Variants in TIAM2 observed in about 807,000 individuals in gnomAD.
TIAM2 encodes TIAM Rac1 associated GEF 2.
TIAM2 carries 80 observed loss-of-function variants against 152.9 expected under a neutral mutation model. The observed-to-expected ratio is 0.52, with a 90% CI of 0.44 to 0.63. The LOEUF (loss-of-function observed/expected upper bound fraction) is 0.63, where lower values mean the gene tolerates loss of function less well. Among genes scored for constraint, TIAM2 ranks in the 30% least tolerant of loss-of-function variants. TIAM2 has a pLI of 0.00. For missense variants in TIAM2, 1,965 were observed against 2,120.1 expected, an observed-to-expected ratio of 0.93 and a Z score of 1.44; for synonymous variants, 804 against 838.0, an observed-to-expected ratio of 0.96 and a Z score of 0.70.
At chr6:155,123,514 T>C (rs914157285) in intron 2 of TIAM2, among the ~76,000 whole-genome samples, 3 of 152,204 alleles carry the variant, frequency 2.0e-5, no homozygotes, top group Admixed American at 6.5e-5. Flanking sequence ...GATGGGGGTC[T>C]CCTGTGTTTT....
At chr6:155,232,846 A>G (rs1449610336) in intron 15 of TIAM2, 1 of 152,248 alleles carries the variant, frequency 6.6e-6, no homozygotes, top group African/African-American at 2.4e-5. Flanking sequence ...CTCCCCCAAC[A>G]TACTTTTCCT....
At chr6:155,190,631 T>C (rs1264467966) in intron 14 of TIAM2, among the ~76,000 whole-genome samples, 1 of 152,234 alleles carries the variant, frequency 6.6e-6, no homozygotes, top group Admixed American at 6.5e-5. Flanking sequence ...TAAATACAAC[T>C]TTCAGATAAA....
At chr6:155,173,220 T>G (rs969756794) in intron 9 of TIAM2, among the ~76,000 whole-genome samples, 4 of 151,638 alleles carry the variant, frequency 2.6e-5, no homozygotes, top group Non-Finnish European at 5.9e-5. Flanking sequence ...TCTGTCTGCC[T>G]AACACACACC....
At chr6:155,211,855 C>T (rs1781730238) in intron 15 of TIAM2, among the ~76,000 whole-genome samples, 1 of 152,148 alleles carries the variant, frequency 6.6e-6, no homozygotes, top group Non-Finnish European at 1.5e-5. Context: ...ACTCTGTACC[C>T]CTTAAACAAT....
At chr6:155,024,652 TAAA>T (rs58181899) in intron 1 of TIAM2, among the ~76,000 whole-genome samples, 2,045 of 146,942 alleles carry the variant, frequency 0.014, 41 homozygotes, top group African/African-American at 0.047. Context: ...TCCATGTCTT[TAAA>T]AAAAAAAAAA....
At chr6:155,075,096 C>T (rs923787078) in intron 1 of TIAM2, among the ~76,000 whole-genome samples, 1 of 151,978 alleles carries the variant, frequency 6.6e-6, no homozygotes, top group Admixed American at 6.6e-5. Flanking sequence ...GGAATGCAAT[C>T]CTGGCTACTC....
intron 2 of TIAM2, among the ~76,000 whole-genome samples, chr6:155,117,413 C>T (rs1247526885): frequency 1.3e-5 from 2 of 152,110 alleles, no homozygotes; most frequent in Non-Finnish European, 2.9e-5. Flanking sequence ...CCATCTCTCT[C>T]ATAAACTTGA....
intron 1 of TIAM2, among the ~76,000 whole-genome samples, chr6:155,024,979 A>G (rs1485875136): frequency 1.3e-5 from 2 of 152,198 alleles, no homozygotes; most frequent in African/African-American, 4.8e-5. Flanking sequence ...TTAGCATTCC[A>G]TAGAACCTGG....
chr6:155,206,079 G>T (rs1214269252), intron 14 of TIAM2, among the ~76,000 whole-genome samples: 1 of 152,166 alleles, frequency 6.6e-6, no homozygotes, highest in Non-Finnish European at 1.5e-5. Context: ...GTGCTAATGG[G>T]CCAGGTACTG....
intron 1 of TIAM2, among the ~76,000 whole-genome samples, chr6:155,000,154 T>G (rs913968758): frequency 6.6e-6 from 1 of 152,322 alleles, no homozygotes; most frequent in Middle Eastern, 3.4e-3. Flanking sequence ...AAAAGTAGAC[T>G]TTTGTGGAAT....
At chr6:155,137,066 G>A (rs906165307) in intron 4 of TIAM2, 111 bp from the exon 5 acceptor site, 1 of 1,141,844 alleles carries the variant, frequency 8.8e-7, no homozygotes, top group Non-Finnish European at 1.2e-6. Context: ...CAAGAATCTT[G>A]CTTTGCATTA....
chr6:155,195,153 T>C (rs1237972078), intron 14 of TIAM2, among the ~76,000 whole-genome samples: 1 of 152,270 alleles, frequency 6.6e-6, no homozygotes, highest in Non-Finnish European at 1.5e-5. Context: ...AACAAGATTC[T>C]AAGGCTTAAG....
intron 17 of TIAM2, 120 bp from the exon 18 acceptor site, chr6:155,244,538 A>T (rs1181396359): frequency 1.6e-6 from 2 of 1,245,500 alleles, no homozygotes; most frequent in Non-Finnish European, 2.2e-6. Context: ...TAAAGGATTT[A>T]CTTTCTGTCT....
At chr6:155,138,619 T>C (rs536611196) in intron 5 of TIAM2, among the ~76,000 whole-genome samples, 69 of 152,262 alleles carry the variant, frequency 4.5e-4, no homozygotes, top group Non-Finnish European at 8.4e-4. Flanking sequence ...CAGTTTGTGA[T>C]GTTCCCTGCC....
At chr6:154,998,002 T>A (rs1778248910) in intron 1 of TIAM2, among the ~76,000 whole-genome samples, 1 of 152,170 alleles carries the variant, frequency 6.6e-6, no homozygotes. Flanking sequence ...TTTTTTTGTA[T>A]AAGTCAGTAT....
chr6:155,240,824 G>T, intron 16 of TIAM2, 115 bp downstream of exon 16: 3 of 1,077,742 alleles, frequency 2.8e-6, no homozygotes, highest in Non-Finnish European at 3.9e-6. Flanking sequence ...CCCAGGGGGG[G>T]ACACCTGCTC....
chr6:155,253,905 A>T, intron 24 of TIAM2, 68 bp from the exon 25 acceptor site: 1 of 1,201,916 alleles, frequency 8.3e-7, no homozygotes, highest in Non-Finnish European at 1.2e-6. Context: ...TTTCAACTTT[A>T]CAAGTGTTCT....
At chr6:155,101,101 A>G (rs1289605929) in intron 2 of TIAM2, among the ~76,000 whole-genome samples, 1 of 152,114 alleles carries the variant, frequency 6.6e-6, no homozygotes, top group African/African-American at 2.4e-5. Context: ...CCCTCACTGT[A>G]TTCTCTGGGC....
rs1025942640 is a variant in TIAM2 at position 155,044,379 on chromosome 6, T to C, written c.-208-45910T>C. Among the ~76,000 whole-genome samples the C allele has an allele frequency of 5.3e-5, 8 of 152,190 alleles. 1 individual carries two copies. The South Asian group carries it at 8.3e-4, about 16-fold the overall frequency. On this transcript the variant is annotated intron_variant, in intron 1 of 26. Transcript: ENST00000682666. Reference sequence around the variant, plus strand: ...GTCCTTTTGGGTGTAGAGATGACCATTGAGGATGCTGCATTCATACAACTG... The same window carrying C: ...GTCCTTTTGGGTGTAGAGATGACCACTGAGGATGCTGCATTCATACAACTG...
Sources: gnomAD v4.1 joint callset for allele counts (sites outside exome capture counted in the v4.1 genomes callset) on GRCh38, gnomAD v4.1.1 for gene constraint, MANE v1.5 for transcripts, NCBI Gene and HGNC (gene_info 2026-07-23, HGNC 2026-07-21) for gene names.